Variants in GAB2 observed in about 807,000 individuals in gnomAD.
GAB2 encodes the protein GRB2-associated-binding protein 2.
In GAB2, 26 loss-of-function variants were observed where a neutral mutation model predicts 65.5. The ratio of observed to expected loss-of-function variants is 0.40; its 90% CI spans 0.29 to 0.55. GAB2 has a LOEUF of 0.55. Ranked by LOEUF, GAB2 falls within the 20% of genes least tolerant of loss-of-function variation. The probability of loss-of-function intolerance (pLI) is 0.53; values close to 1 mark genes in which losing one functional copy is unlikely to be tolerated. For synonymous variants in GAB2, 321 were observed against 329.6 expected (o/e 0.97, Z 0.28); for missense variants, 884 against 875.8 (o/e 1.01, Z -0.12).
intron 2 of GAB2, among the ~76,000 whole-genome samples, chr11:78,273,540 T>A (rs559169695): frequency 6.6e-6 from 1 of 152,370 alleles, no homozygotes; most frequent in East Asian, 1.9e-4. Context: ...TGTATCCCCA[T>A]TGTATCTAGG....
chr11:78,310,273 C>T (rs570996784), intron 1 of GAB2, among the ~76,000 whole-genome samples: 6 of 150,096 alleles, frequency 4.0e-5, no homozygotes, highest in African/African-American at 1.2e-4. Flanking sequence ...GAGGCCAAGG[C>T]GGTTGGATAA....
At chr11:78,248,303 C>T (rs1865352397) in intron 3 of GAB2, among the ~76,000 whole-genome samples, 1 of 152,096 alleles carries the variant, frequency 6.6e-6, no homozygotes, top group South Asian at 2.1e-4. Context: ...TTCTCTGATG[C>T]GTCAGCAGGA....
At chr11:78,317,605 T>C (rs936751765) in intron 1 of GAB2, among the ~76,000 whole-genome samples, 1 of 150,338 alleles carries the variant, frequency 6.7e-6, no homozygotes, top group South Asian at 2.1e-4. Context: ...GTAAACTTTA[T>C]GTTATGTGTA....
intron 1 of GAB2, among the ~76,000 whole-genome samples, chr11:78,308,823 A>C (rs1855426997): frequency 6.6e-6 from 1 of 152,178 alleles, no homozygotes. Flanking sequence ...GATGCTGGCA[A>C]TTTTTTGACC....
chr11:78,360,613 TTTG>T (rs1856421819), intron 1 of GAB2, among the ~76,000 whole-genome samples: 3 of 152,050 alleles, frequency 2.0e-5, no homozygotes, highest in Non-Finnish European at 2.9e-5. Flanking sequence ...ATCACAGCAC[TTTG>T]GGAGGCTGAG....
intron 1 of GAB2, among the ~76,000 whole-genome samples, chr11:78,349,646 T>A (rs1856244636): frequency 6.6e-6 from 1 of 152,226 alleles, no homozygotes; most frequent in Non-Finnish European, 1.5e-5. Context: ...TCATCAGGAC[T>A]GAGAAATCCT....
intron 1 of GAB2, among the ~76,000 whole-genome samples, chr11:78,319,439 G>C (rs1855679929): frequency 6.6e-6 from 1 of 152,204 alleles, no homozygotes; most frequent in Admixed American, 6.5e-5. Flanking sequence ...ATGTATGTAT[G>C]AAGATATATA....
chr11:78,367,289 C>G (rs1445962977), intron 1 of GAB2, among the ~76,000 whole-genome samples: 4 of 152,234 alleles, frequency 2.6e-5, no homozygotes, highest in Non-Finnish European at 5.9e-5. Flanking sequence ...GACAAAAATC[C>G]TGCCTTCGAA....
At chr11:78,375,869 T>G (rs191811069) in intron 1 of GAB2, among the ~76,000 whole-genome samples, 1 of 152,270 alleles carries the variant, frequency 6.6e-6, no homozygotes, top group East Asian at 1.9e-4. Context: ...ATACACAGAC[T>G]CTCCATTGGC....
At chr11:78,338,929 A>ATT (rs201993199) in intron 1 of GAB2, among the ~76,000 whole-genome samples, 1 of 146,244 alleles carries the variant, frequency 6.8e-6, no homozygotes. Flanking sequence ...ACACCCCCAC[A>ATT]TTTTTTTTTT....
In GAB2 at chr11:78,303,485, T is replaced by G. The variant is rs1197504079; in HGVS notation, c.76-22584A>C. Among the ~76,000 whole-genome samples the G allele has an allele frequency of 2.6e-5, 4 of 152,194 alleles. 1 individual carries two copies. Among genetic ancestry groups the G allele is most frequent in the Admixed American group, 2.0e-4 (3 of 15,286 alleles). On this transcript the variant is annotated intron_variant, in intron 1 of 9. Coordinates refer to ENST00000361507, the MANE Select transcript of GAB2 (RefSeq NM_080491.3). Reference sequence around the variant, plus strand: ...TAAAAACCAATTGATCAAATACATGTAGGCCTATTTCTAGACTTCCTATGT... The same window carrying G: ...TAAAAACCAATTGATCAAATACATGGAGGCCTATTTCTAGACTTCCTATGT...
intron 6 of GAB2, 36 bp downstream of exon 6, chr11:78,223,376 T>C (rs1314483370): frequency 2.1e-6 from 3 of 1,453,824 alleles, no homozygotes; most frequent in South Asian, 1.5e-5. Flanking sequence ...CCCTAGCCAC[T>C]GTCCAGAGAT....
intron 1 of GAB2, among the ~76,000 whole-genome samples, chr11:78,359,929 TA>T (rs1394113217): frequency 1.3e-5 from 2 of 152,170 alleles, no homozygotes; most frequent in Non-Finnish European, 2.9e-5. Context: ...TTAGGCCATA[TA>T]AGATAATATT....
intron 1 of GAB2, among the ~76,000 whole-genome samples, chr11:78,370,781 G>A (rs1856562341): frequency 6.6e-6 from 1 of 151,628 alleles, no homozygotes. Flanking sequence ...AGGCAGACAC[G>A]AAGCAATTTG....
Position 78,219,127 on chromosome 11 carries a change from G to T in GAB2, c.*145C>A. On this transcript the variant is annotated 3_prime_UTR_variant, in exon 10 of 10. Transcript: ENST00000361507. ...CTCACCTCCCAGGGGAAGGGTTCAG[G>T]GTCCCTGATGTCAAGTGCTTTGAAG... is the stretch of plus-strand genomic sequence containing the variant. 2.7e-6 allele frequency: 2 copies of T among 741,924 alleles called. No homozygotes were observed. Among genetic ancestry groups the T allele is most frequent in the Non-Finnish European group, 4.4e-6 (2 of 457,214 alleles). The allele number at this position is 741,924 out of a possible 1,614,324, so 46.0% of individuals were successfully genotyped here. A position where few individuals can be genotyped will look rare whatever the true frequency, so the allele number is the denominator to read the frequency against.
chr11:78,299,001 A>G (rs767543582), intron 1 of GAB2, among the ~76,000 whole-genome samples: 1 of 152,220 alleles, frequency 6.6e-6, no homozygotes, highest in Non-Finnish European at 1.5e-5. Context: ...ATCTGTTCAC[A>G]ATGGAGAATA....
chr11:78,333,674 C>G (rs973643486), intron 1 of GAB2, among the ~76,000 whole-genome samples: 3 of 152,188 alleles, frequency 2.0e-5, no homozygotes, highest in African/African-American at 7.2e-5. Flanking sequence ...GCAGGGAGAA[C>G]AGTAAGTTTT....
rs1444208422 is a variant in GAB2, at chr11:78,291,557, TTTTC to T, written c.76-10660_76-10657del. On this transcript the variant is annotated intron_variant, in intron 1 of 9. Transcript: ENST00000361507. ...TATCTTGAGAGACTTACTTTTTTCT[TTTTC>T]TTTTTTTTTTTTTTTTTTTTTTTTT... Among the ~76,000 whole-genome samples the T allele has an allele frequency of 2.1e-3, 148 of 71,152 alleles. 9 individuals are homozygous for T. The highest frequency in any genetic ancestry group is 9.5e-3 in the African/African-American group (131 of 13,860). 46.7% of individuals were successfully genotyped at this position (71,152 alleles called of 152,430 possible).
In GAB2 at chr11:78,226,732, T is replaced by C; in HGVS notation, c.940A>G (p.Met314Val). Residue 314 changes from methionine to valine, a missense_variant, in exon 4 of 10, where the codon ATG (methionine) becomes GTG (valine). Met to Val is a conservative substitution (Grantham distance 21, BLOSUM62 1). Transcript: ENST00000361507. ...GAGAGTGGGGTGGCCGGAACATCCA[T>C]ATTGTCTACCAGGAGGTCCCCGAAC... ...REFGDLLVDN[M>V]DVPATPLSAY... The C allele has an allele frequency of 1.2e-6, 2 of 1,613,976 alleles. No homozygotes were observed. The highest frequency in any genetic ancestry group is 1.7e-6 in the Non-Finnish European group (2 of 1,179,944).
Sources: allele counts gnomAD v4.1 joint callset (sites outside exome capture counted in the v4.1 genomes callset), GRCh38; gene constraint gnomAD v4.1.1; transcripts MANE v1.5; gene names NCBI Gene and HGNC (gene_info 2026-07-23, HGNC 2026-07-21).